Variants in MTCL1 observed in about 807,000 individuals in gnomAD.
MTCL1 encodes microtubule cross-linking factor 1.
A neutral mutation model predicts 141.4 loss-of-function variants in MTCL1; 79 were observed. The observed-to-expected ratio is 0.56, with a 90% CI of 0.47 to 0.67. The LOEUF (loss-of-function observed/expected upper bound fraction) is 0.67. MTCL1 is among the 30% of genes least tolerant of loss of function. The pLI, the probability that MTCL1 is intolerant of heterozygous loss-of-function variation, is 0.00. For synonymous variants in MTCL1, 914 were observed against 875.8 expected, an observed-to-expected ratio of 1.04 and a Z score of -0.77; for missense variants, 2,177 against 2,113.9, an observed-to-expected ratio of 1.03 and a Z score of -0.59.
rs187269394 is a variant in MTCL1, at chr18:8,759,055, A to G, written c.358-18778A>G. On this transcript the variant is annotated intron_variant, in intron 4 of 16. Coordinates refer to ENST00000359865, the Ensembl canonical transcript of MTCL1. ...GAGAGCATCCTGGAGGAAAACGGGG[A>G]TGTTGTTACTGTTTGCAATTCTGCA... Among the ~76,000 whole-genome samples the G allele has an allele frequency of 1.3e-3, 201 of 152,306 alleles. 5 individuals are homozygous for G. In the East Asian group the frequency reaches 0.034, roughly 26 times the overall value.
chr18:8,806,326 A>T (rs2076295378), intron 10 of MTCL1, among the ~76,000 whole-genome samples: 1 of 152,156 alleles, frequency 6.6e-6, no homozygotes, highest in Non-Finnish European at 1.5e-5. Context: ...TCGGAGTCTG[A>T]TTACCCTATG....
chr18:8,781,179 CAAAAAAAAAAAAAA>C (rs56370900), intron 5 of MTCL1, among the ~76,000 whole-genome samples: 1 of 67,386 alleles, frequency 1.5e-5, no homozygotes, highest in African/African-American at 5.5e-5. Context: ...GACTCCATCT[CAAAAAAAAAAAAAA>C]AAAAAAAAAA....
rs1425617926 is a variant in MTCL1, at chr18:8,828,367, CAG to C, written c.4723-535_4723-534del. Among the ~76,000 whole-genome samples, 2 of 152,194 alleles carry C rather than the reference CAG, an allele frequency of 1.3e-5. No homozygotes were observed. Among genetic ancestry groups the C allele is most frequent in the Non-Finnish European group, 2.9e-5 (2 of 68,044 alleles). ...ACACCATGGCACTAGTTCAGCAGTG[CAG>C]AGAGAAGCCGTGAGGAGTTCCGGTG... On this transcript the variant is annotated intron_variant, in intron 15 of 16. Coordinates refer to ENST00000359865, the Ensembl canonical transcript of MTCL1. The surrounding 1 kb of genome is among the most constrained non-coding windows in gnomAD (Gnocchi z 5.2).
chr18:8,789,079 A>G (rs9966269), intron 7 of MTCL1, among the ~76,000 whole-genome samples: 44,851 of 152,060 alleles, frequency 0.29, 7,360 homozygotes, highest in East Asian at 0.55. Context: ...GATTTCAGGT[A>G]TAAAGGAGAC....
chr18:8,730,875 G>A (rs180808848), intron 4 of MTCL1, among the ~76,000 whole-genome samples: 64 of 152,312 alleles, frequency 4.2e-4, no homozygotes, highest in Admixed American at 3.0e-3. Flanking sequence ...TGTGCAGGGC[G>A]TTTCAGCATT....
rs2076625054 is a variant in MTCL1, at chr18:8,815,528, T to C, written c.2859+2295T>C. On this transcript the variant is annotated intron_variant, in intron 12 of 16. Transcript: ENST00000359865. ...GTTATACCTAATGCTAAATGACGAG[T>C]TAATGGGTGCAGCACACCAGCATGG... 2.6e-5 allele frequency among the ~76,000 whole-genome samples: 4 copies of C among 151,106 alleles called. No homozygotes were observed. The South Asian group carries it at 8.4e-4, about 32-fold the overall frequency.
At chr18:8,748,412 A>G (rs1477778126) in intron 4 of MTCL1, among the ~76,000 whole-genome samples, 2 of 152,148 alleles carry the variant, frequency 1.3e-5, no homozygotes, top group African/African-American at 4.8e-5. Context: ...GCATGGTGGC[A>G]TGCACCTGTG....
At chr18:8,741,599 A>C (rs1245482274) in intron 4 of MTCL1, among the ~76,000 whole-genome samples, 3 of 152,338 alleles carry the variant, frequency 2.0e-5, no homozygotes, top group South Asian at 4.1e-4. Context: ...GTGACTGAGC[A>C]CCAACTCATG....
At chr18:8,715,558 A>T (rs2096123406), upstream of MTCL1, among the ~76,000 whole-genome samples, 1 of 152,168 alleles carries the variant, frequency 6.6e-6, no homozygotes, top group African/African-American at 2.4e-5. Context: ...GCTTGTATTG[A>T]ACTGATTTGT....
intron 14 of MTCL1, among the ~76,000 whole-genome samples, chr18:8,823,475 T>C (rs2076913856): frequency 6.6e-6 from 1 of 152,242 alleles, no homozygotes; most frequent in East Asian, 1.9e-4. Context: ...AAACTCATCA[T>C]TAATTCAGCA....
intron 4 of MTCL1, among the ~76,000 whole-genome samples, chr18:8,744,254 C>T (rs529938758): frequency 1.0e-3 from 157 of 152,352 alleles, no homozygotes; most frequent in Middle Eastern, 0.01. Context: ...TCCGGTTTCC[C>T]GGCTGGCATT....
upstream of MTCL1, among the ~76,000 whole-genome samples, chr18:8,713,635 T>C (rs548411080): frequency 1.3e-5 from 2 of 152,388 alleles, no homozygotes; most frequent in African/African-American, 4.8e-5. Flanking sequence ...TTTGCTTGTC[T>C]TTAACTTCTT....
chr18:8,758,307 G>A (rs555441157), intron 4 of MTCL1, among the ~76,000 whole-genome samples: 3 of 152,254 alleles, frequency 2.0e-5, no homozygotes, highest in South Asian at 2.1e-4. Context: ...ACAGGCGTAA[G>A]CCACCACGCC....
At chr18:8,717,973 G>A in intron 2 of MTCL1, 1 of 1,007,936 alleles carries the variant, frequency 9.9e-7, no homozygotes, top group East Asian at 9.9e-5. Flanking sequence ...GTATGTTTTA[G>A]TTCCAGGGCA....
intron 4 of MTCL1, among the ~76,000 whole-genome samples, chr18:8,774,679 A>C (rs1354303977): frequency 5.3e-5 from 8 of 152,124 alleles, no homozygotes; most frequent in Admixed American, 5.2e-4. Flanking sequence ...GTAGAGACAG[A>C]GTTTCACCGT....
chr18:8,759,208 A>G (rs11877903), intron 4 of MTCL1, among the ~76,000 whole-genome samples: 13,395 of 152,312 alleles, frequency 0.088, 1,935 homozygotes, highest in African/African-American at 0.3. Context: ...CAGGCCACCA[A>G]GCATGCCCTC....
chr18:8,756,115 A>C (rs891278443), intron 4 of MTCL1, among the ~76,000 whole-genome samples: 1 of 152,096 alleles, frequency 6.6e-6, no homozygotes, highest in African/African-American at 2.4e-5. Context: ...CCAGCCTGGG[A>C]GACAGAGCAA....
intron 7 of MTCL1, among the ~76,000 whole-genome samples, chr18:8,789,887 A>G (rs920472334): frequency 1.3e-5 from 2 of 152,236 alleles, no homozygotes; most frequent in African/African-American, 4.8e-5. Flanking sequence ...TTCTAGGCTG[A>G]ACCTTTTGCC....
chr18:8,750,188 A>G (rs1371759063), intron 4 of MTCL1, among the ~76,000 whole-genome samples: 3 of 151,970 alleles, frequency 2.0e-5, no homozygotes, highest in Non-Finnish European at 4.4e-5. Flanking sequence ...CTGGGATTAC[A>G]GGCTCATGCC....
Sources: allele counts gnomAD v4.1 joint callset (sites outside exome capture counted in the v4.1 genomes callset), GRCh38; gene constraint gnomAD v4.1.1; non-coding constraint Gnocchi (gnomAD v3.1); transcripts MANE v1.5; gene names NCBI Gene and HGNC (gene_info 2026-07-23, HGNC 2026-07-21).